Variants in TRABD2B observed in about 807,000 individuals in gnomAD.
TRABD2B encodes the protein TraB domain containing 2B, also known as metalloprotease TIKI2.
In TRABD2B, 14 loss-of-function variants were observed where a neutral mutation model predicts 40.1. That is an observed-to-expected ratio of 0.35 (90% CI 0.23 to 0.55). TRABD2B has a LOEUF of 0.55. Among genes scored for constraint, TRABD2B ranks in the 20% least tolerant of loss-of-function variants. The probability of loss-of-function intolerance (pLI) is 0.90; values close to 1 mark genes in which losing one functional copy is unlikely to be tolerated. For synonymous variants in TRABD2B, 263 were observed against 277.0 expected (o/e 0.95, Z 0.50); for missense variants, 541 against 648.6 (o/e 0.83, Z 1.80).
intron 2 of TRABD2B, among the ~76,000 whole-genome samples, chr1:47,908,198 T>C (rs531276560): frequency 1.6e-4 from 24 of 152,340 alleles, no homozygotes; most frequent in African/African-American, 5.5e-4. Flanking sequence ...TTTATAACTA[T>C]GTATTCATCT....
Position 47,923,344 on chromosome 1 carries a change from C to A in TRABD2B, c.666+70690G>T, listed in dbSNP as rs185190194. 1.6e-3 allele frequency among the ~76,000 whole-genome samples: 237 copies of A among 152,306 alleles called. 1 individual carries two copies. The highest frequency in any genetic ancestry group is 5.1e-3 in the African/African-American group (214 of 41,560). On this transcript the variant is annotated intron_variant, in intron 2 of 6. Transcript: ENST00000606738. The stretch of plus-strand genomic sequence containing the variant: ...TCTCACCACTGGATTCTCAAGAGGG[C>A]AAGGAATGGGTGTGACTTGGTGGAC...
intron 2 of TRABD2B, among the ~76,000 whole-genome samples, chr1:47,933,799 T>A (rs1645071141): frequency 6.6e-6 from 1 of 152,208 alleles, no homozygotes; most frequent in Non-Finnish European, 1.5e-5. Flanking sequence ...AGATAGCAGA[T>A]GAATCAGAGG....
At chr1:47,973,241 G>C (rs1456822907) in intron 2 of TRABD2B, among the ~76,000 whole-genome samples, 2 of 152,214 alleles carry the variant, frequency 1.3e-5, no homozygotes, top group African/African-American at 4.8e-5. Context: ...GGCCAGCAGG[G>C]GGCAGCCCCC....
intron 2 of TRABD2B, among the ~76,000 whole-genome samples, chr1:47,867,160 G>A (rs1388681054): frequency 6.6e-6 from 1 of 152,222 alleles, no homozygotes; most frequent in Non-Finnish European, 1.5e-5. Context: ...GCTTACACAT[G>A]AGAAAACATG....
chr1:47,927,117 A>G (rs760227487), intron 2 of TRABD2B, among the ~76,000 whole-genome samples: 7 of 152,164 alleles, frequency 4.6e-5, no homozygotes, highest in Non-Finnish European at 8.8e-5. Context: ...AAGATTGAGA[A>G]TGGCACAAGA....
intron 2 of TRABD2B, among the ~76,000 whole-genome samples, chr1:47,985,446 G>A (rs1645906656): frequency 6.6e-6 from 1 of 152,248 alleles, no homozygotes; most frequent in Non-Finnish European, 1.5e-5. Context: ...GGGCAGGGGT[G>A]GTGGTCAGGT....
chr1:47,831,267 A>T (rs1465875790), intron 2 of TRABD2B, among the ~76,000 whole-genome samples: 3 of 152,058 alleles, frequency 2.0e-5, no homozygotes, highest in African/African-American at 7.2e-5. Flanking sequence ...GGAGAGCAGA[A>T]TTATTAATAG....
chr1:47,872,047 C>A (rs975539191), intron 2 of TRABD2B, among the ~76,000 whole-genome samples: 2 of 152,218 alleles, frequency 1.3e-5, no homozygotes, highest in Non-Finnish European at 2.9e-5. Context: ...TGGGCTCCTG[C>A]AAGGCAGGGC....
chr1:47,959,314 AC>A (rs1238946569), intron 2 of TRABD2B, among the ~76,000 whole-genome samples: 3 of 152,244 alleles, frequency 2.0e-5, no homozygotes, highest in Admixed American at 6.5e-5. Context: ...TAGAGAAGCA[AC>A]GGCAAACACA....
At chr1:47,797,271 C>T (rs941248233) in intron 3 of TRABD2B, among the ~76,000 whole-genome samples, 1 of 152,220 alleles carries the variant, frequency 6.6e-6, no homozygotes, top group African/African-American at 2.4e-5. Flanking sequence ...CTGTGCCTGG[C>T]ACAAAGGAAG....
intron 2 of TRABD2B, among the ~76,000 whole-genome samples, chr1:47,831,562 A>T (rs1479876049): frequency 1.3e-5 from 2 of 152,200 alleles, no homozygotes; most frequent in Non-Finnish European, 2.9e-5. Context: ...ATGGCAGCTC[A>T]GTGACAGAGC....
intron 2 of TRABD2B, among the ~76,000 whole-genome samples, chr1:47,869,563 T>C (rs1406439575): frequency 6.6e-6 from 1 of 152,166 alleles, no homozygotes; most frequent in Non-Finnish European, 1.5e-5. Flanking sequence ...AGATTCAGCA[T>C]GGGGAGGTAA....
intron 2 of TRABD2B, among the ~76,000 whole-genome samples, chr1:47,811,418 C>T (rs768630845): frequency 1.3e-5 from 2 of 152,180 alleles, no homozygotes; most frequent in Non-Finnish European, 2.9e-5. Flanking sequence ...CTTTCCTGGG[C>T]GGGCATCGGG....
At chr1:47,886,366 C>T (rs1644371016) in intron 2 of TRABD2B, among the ~76,000 whole-genome samples, 1 of 152,196 alleles carries the variant, frequency 6.6e-6, no homozygotes, top group Non-Finnish European at 1.5e-5. Flanking sequence ...GCTCGGGCTC[C>T]CGTGGGGCAG....
intron 2 of TRABD2B, among the ~76,000 whole-genome samples, chr1:47,824,187 G>C (rs977899531): frequency 2.0e-5 from 3 of 152,160 alleles, no homozygotes; most frequent in Non-Finnish European, 4.4e-5. Flanking sequence ...CCAGCACAGA[G>C]CCAGGCTCGC....
chr1:47,860,735 T>C (rs1347426699), intron 2 of TRABD2B, among the ~76,000 whole-genome samples: 1 of 152,174 alleles, frequency 6.6e-6, no homozygotes, highest in African/African-American at 2.4e-5. Context: ...CTCTCAAGAA[T>C]AGCTTGGTGC....
At chr1:47,848,628 T>C (rs1645504548) in intron 2 of TRABD2B, among the ~76,000 whole-genome samples, 1 of 152,212 alleles carries the variant, frequency 6.6e-6, no homozygotes, top group Admixed American at 6.5e-5. Context: ...AGCTTGCCCA[T>C]GACACAAACG....
chr1:47,795,767 G>A (rs1644739741), intron 3 of TRABD2B: 1 of 903,724 alleles, frequency 1.1e-6, no homozygotes. Flanking sequence ...CCCCATCCCT[G>A]CACCACCACT....
chr1:47,771,249 T>C (rs1644374438), intron 6 of TRABD2B, among the ~76,000 whole-genome samples: 1 of 152,214 alleles, frequency 6.6e-6, no homozygotes, highest in Non-Finnish European at 1.5e-5. Context: ...TTGAGAGCTC[T>C]AGCCATCTGC....
Sources: gnomAD v4.1 joint callset for allele counts (sites outside exome capture counted in the v4.1 genomes callset) on GRCh38, gnomAD v4.1.1 for gene constraint, MANE v1.5 for transcripts, NCBI Gene and HGNC (gene_info 2026-07-23, HGNC 2026-07-21) for gene names.